Variants in ZNF69 observed in about 807,000 individuals in gnomAD.
ZNF69 encodes ZNF3.
A neutral mutation model predicts 50.9 loss-of-function variants in ZNF69; 47 were observed. The ratio of observed to expected loss-of-function variants is 0.92; its 90% CI spans 0.73 to 1.18. The LOEUF (loss-of-function observed/expected upper bound fraction) is 1.18. Among genes scored for constraint, ZNF69 ranks in the 50% most tolerant of loss-of-function variants. The pLI, the probability that ZNF69 is intolerant of heterozygous loss-of-function variation, is 0.00. For synonymous variants in ZNF69, 216 were observed against 223.1 expected (o/e 0.97, Z 0.29); for missense variants, 717 against 675.1 (o/e 1.06, Z -0.69).
the ZNF69 span, among the ~76,000 whole-genome samples, chr19:11,974,166 C>G: frequency 9.6e-6 from 1 of 104,482 alleles, no homozygotes; most frequent in Non-Finnish European, 1.8e-5. Flanking sequence ...TTCCTTCCTT[C>G]CTTCCTTCCT....
chr19:11,944,673 A>G, the ZNF69 span, among the ~76,000 whole-genome samples: 1 of 152,164 alleles, frequency 6.6e-6, no homozygotes, highest in African/African-American at 2.4e-5. Flanking sequence ...TTATCTTCAC[A>G]TTTTGGCATT....
chr19:11,945,938 G>C, the ZNF69 span, among the ~76,000 whole-genome samples: 26,218 of 151,978 alleles, frequency 0.17, 4,796 homozygotes, highest in African/African-American at 0.47. Context: ...GCCGAGACTC[G>C]TGTGGCTTCG....
the ZNF69 span, among the ~76,000 whole-genome samples, chr19:11,975,315 C>T: frequency 8.5e-5 from 13 of 152,134 alleles, no homozygotes; most frequent in South Asian, 1.9e-3. Context: ...AGATGATTTC[C>T]GCCCCACCCA....
downstream of ZNF69, among the ~76,000 whole-genome samples, chr19:11,911,045 T>C (rs921044837): frequency 7.2e-5 from 11 of 152,058 alleles, 1 homozygote; most frequent in African/African-American, 2.7e-4. Context: ...AAGAAGACAT[T>C]TATGCAGCCA....
the ZNF69 span, among the ~76,000 whole-genome samples, chr19:11,957,928 A>G: frequency 6.6e-6 from 1 of 152,176 alleles, no homozygotes; most frequent in African/African-American, 2.4e-5. Context: ...TTGACTAAAG[A>G]TCACTAAAGA....
chr19:11,958,545 T>G, the ZNF69 span, among the ~76,000 whole-genome samples: 1 of 152,198 alleles, frequency 6.6e-6, no homozygotes, highest in Non-Finnish European at 1.5e-5. Context: ...GCGAGTGGTC[T>G]TTGGTGGGCA....
chr19:11,915,014 A>G (rs1188333555), downstream of ZNF69, among the ~76,000 whole-genome samples: 4 of 152,098 alleles, frequency 2.6e-5, no homozygotes, highest in East Asian at 1.9e-4. Flanking sequence ...GACAAGCCTG[A>G]CCAACATGGT....
chr19:11,946,454 G>A, the ZNF69 span, among the ~76,000 whole-genome samples: 3 of 152,132 alleles, frequency 2.0e-5, no homozygotes, highest in South Asian at 6.2e-4. Flanking sequence ...CGGGTGGGGA[G>A]AGATCCCTCA....
chr19:11,888,948 G>T (rs1977014073), intron 1 of ZNF69, among the ~76,000 whole-genome samples: 1 of 129,668 alleles, frequency 7.7e-6, no homozygotes, highest in Non-Finnish European at 1.6e-5. Flanking sequence ...TCCAGCCTCA[G>T]CACAGAGTGC....
chr19:11,935,881 C>T, the ZNF69 span, among the ~76,000 whole-genome samples: 15 of 152,246 alleles, frequency 9.9e-5, no homozygotes, highest in South Asian at 6.2e-4. Flanking sequence ...TGACAGGCCC[C>T]GGTGTGTGAT....
At chr19:11,933,677 G>A in the ZNF69 span, among the ~76,000 whole-genome samples, 1 of 147,564 alleles carries the variant, frequency 6.8e-6, no homozygotes, top group Non-Finnish European at 1.5e-5. Context: ...TGCATTGAAG[G>A]TCTCTCGATA....
the ZNF69 span, among the ~76,000 whole-genome samples, chr19:11,956,016 G>A: frequency 6.6e-6 from 1 of 152,174 alleles, no homozygotes; most frequent in Non-Finnish European, 1.5e-5. Context: ...AACACATCCT[G>A]AAGAGTGGGG....
At chr19:11,967,058 A>G in the ZNF69 span, among the ~76,000 whole-genome samples, 2 of 152,200 alleles carry the variant, frequency 1.3e-5, no homozygotes, top group Non-Finnish European at 2.9e-5. Flanking sequence ...ACTCTGGGCC[A>G]GCATGATGGC....
intron 1 of ZNF69, among the ~76,000 whole-genome samples, chr19:11,891,722 G>C (rs903234508): frequency 1.2e-4 from 18 of 152,162 alleles, no homozygotes; most frequent in African/African-American, 4.3e-4. Flanking sequence ...TGGGACATCA[G>C]GACATTCTGT....
chr19:11,963,549 C>G, the ZNF69 span, among the ~76,000 whole-genome samples: 1 of 152,134 alleles, frequency 6.6e-6, no homozygotes, highest in Admixed American at 6.6e-5. Flanking sequence ...CGGTGACTCT[C>G]TTCCCCCTCC....
chr19:11,968,558 G>C, the ZNF69 span, among the ~76,000 whole-genome samples: 1 of 152,314 alleles, frequency 6.6e-6, no homozygotes, highest in East Asian at 1.9e-4. Context: ...TTAATTTGTA[G>C]TGGTTTGCTT....
the ZNF69 span, chr19:11,978,995 A>G: frequency 1.2e-6 from 2 of 1,614,208 alleles, no homozygotes; most frequent in African/African-American, 1.3e-5. Context: ...CCCTTCGTAG[A>G]CATGAAAGGA....
chr19:11,979,494 C>T, the ZNF69 span: 2 of 1,601,894 alleles, frequency 1.2e-6, no homozygotes, highest in Non-Finnish European at 1.7e-6. Context: ...TTTTATTCTC[C>T]CACGTCATTT....
chr19:11,979,131 C>T, the ZNF69 span: 164 of 1,612,994 alleles, frequency 1.0e-4, 2 homozygotes, highest in African/African-American at 1.8e-3. Context: ...GTGGGAAAGG[C>T]CTTTATTCTG....
Sources: allele counts gnomAD v4.1 joint callset (sites outside exome capture counted in the v4.1 genomes callset), GRCh38; gene constraint gnomAD v4.1.1; transcripts MANE v1.5; gene names NCBI Gene and HGNC (gene_info 2026-07-23, HGNC 2026-07-21).